The following CHAF1A variants were observed in gnomAD, a reference collection of about 807,000 sequenced individuals.
The protein encoded by CHAF1A is chromatin assembly factor 1 subunit A.
CHAF1A carries 5 observed loss-of-function variants against 93.2 expected under a neutral mutation model. The observed-to-expected ratio is 0.05, with a 90% CI of 0.03 to 0.11. The LOEUF (loss-of-function observed/expected upper bound fraction) is 0.11. CHAF1A is among the 10% of genes least tolerant of loss of function. CHAF1A has a pLI of 1.00. For synonymous variants in CHAF1A, 504 were observed against 510.3 expected, an observed-to-expected ratio of 0.99 and a Z score of 0.17; for missense variants, 1,102 against 1,259.9, an observed-to-expected ratio of 0.87 and a Z score of 1.90.
Position 4,433,332 on chromosome 19 carries a change from G to A in CHAF1A, c.2466G>A (p.Pro822=), listed in dbSNP as rs368347266. ...TCAGGATGTGCTGGTACGTGCACCCGCAGGTGCTACAGAGCTTCCAGCAGG... is the reference window on the plus strand; with the variant it reads ...TCAGGATGTGCTGGTACGTGCACCCACAGGTGCTACAGAGCTTCCAGCAGG... ...PDFRMCWYVH[P]QVLQSFQQEH... is the part of the protein sequence containing the mutation. The change falls in exon 13 of 15, where the codon CCG becomes CCA. Residue 822 remains proline (P), a synonymous_variant. Coordinates refer to ENST00000301280, the MANE Select transcript of CHAF1A (RefSeq NM_005483.3). The surrounding 1 kb of genome is among the most constrained non-coding windows in gnomAD (Gnocchi z 5.6). 2.9e-5 allele frequency: 47 copies of A among 1,613,986 alleles called. No individual in the cohort carries two copies. In the East Asian group the frequency reaches 3.1e-4, roughly 11 times the overall value.
chr19:4,446,264 G>C, downstream of CHAF1A: 1 of 1,567,898 alleles, frequency 6.4e-7, no homozygotes, highest in Non-Finnish European at 8.6e-7. Context: ...CGCCCTCCAC[G>C]GGCATCGTTG....
chr19:4,441,375 T>A (rs546132973), intron 13 of CHAF1A, among the ~76,000 whole-genome samples: 1 of 151,788 alleles, frequency 6.6e-6, no homozygotes, highest in African/African-American at 2.4e-5. Context: ...TTTGGGAGGC[T>A]GAGGTGGGTA....
At chr19:4,436,830 G>A (rs1159880882) in intron 13 of CHAF1A, among the ~76,000 whole-genome samples, 2 of 152,104 alleles carry the variant, frequency 1.3e-5, no homozygotes, top group Non-Finnish European at 2.9e-5. Flanking sequence ...CTTGCTCCCT[G>A]TCAACATGTG....
chr19:4,441,181 G>A (rs1313325783), intron 13 of CHAF1A, among the ~76,000 whole-genome samples: 12 of 151,900 alleles, frequency 7.9e-5, no homozygotes, highest in Middle Eastern at 3.2e-3. Context: ...GCCGGGTGTG[G>A]TGGCAGGTGG....
chr19:4,402,733 C>T lies in CHAF1A; in HGVS notation c.-30C>T, dbSNP rs1973605210. 3 of 1,197,244 alleles carry T rather than the reference C, an allele frequency of 2.5e-6. No homozygotes were observed. Among genetic ancestry groups the T allele is most frequent in the Non-Finnish European group, 3.1e-6 (3 of 964,938 alleles). The allele number at this position is 1,197,244 out of a possible 1,614,324, so 74.2% of individuals were successfully genotyped here. On this transcript the variant is annotated 5_prime_UTR_variant, in exon 1 of 15. Transcript: ENST00000301280. ...TGAGGGGAGCCCGCGCCTCCGCCGC[C>T]TGAGAGGAGGTCGAGCTGCCGCCGG...
rs758249484 is a variant in CHAF1A at position 4,442,385 on chromosome 19, G to A, written c.2770+44G>A. The A allele has an allele frequency of 7.5e-6, 11 of 1,467,444 alleles. No individual in the cohort carries two copies. In the South Asian group the frequency reaches 9.7e-5, roughly 13 times the overall value. 90.9% of individuals were successfully genotyped at this position (1,467,444 alleles called of 1,614,324 possible). A position where few individuals can be genotyped will look rare whatever the true frequency, so the allele number is the denominator to read the frequency against. The stretch of plus-strand genomic sequence containing the variant: ...AGCAGAACGCACTGGTGAGGTGGGC[G>A]CTGGAGGTAAACCTCAACAGAGAAG... On this transcript the variant is annotated intron_variant, in intron 14 of 14. Transcript: ENST00000301280.
chr19:4,441,345 G>A (rs1427611736), intron 13 of CHAF1A, among the ~76,000 whole-genome samples: 3 of 151,604 alleles, frequency 2.0e-5, no homozygotes, highest in Non-Finnish European at 4.4e-5. Context: ...TAAAAATACA[G>A]TTGTCTGTAA....
At chr19:4,436,232 A>G (rs949371021) in intron 13 of CHAF1A, among the ~76,000 whole-genome samples, 1 of 152,146 alleles carries the variant, frequency 6.6e-6, no homozygotes, top group Non-Finnish European at 1.5e-5. Context: ...CCCTGCTGCC[A>G]GCACACAGCC....
At chr19:4,420,023 A>G (rs1009895074) in intron 4 of CHAF1A, among the ~76,000 whole-genome samples, 12 of 152,308 alleles carry the variant, frequency 7.9e-5, no homozygotes, top group African/African-American at 2.9e-4. Context: ...CAGGAAATGC[A>G]CATCAGACAT....
rs1568439033 is a variant in CHAF1A, at chr19:4,430,537, T to C, written c.1855-12T>C. The C allele has an allele frequency of 3.3e-6, 5 of 1,536,628 alleles. No individual in the cohort carries two copies. The highest frequency in any genetic ancestry group is 1.7e-4 in the Middle Eastern group (1 of 5,916). Reference sequence around the variant, plus strand: ...TCTATCTGATGAACTCTTTTTTTTTTCTCCTTTTGAGGATGATGATGACGA... The same window carrying C: ...TCTATCTGATGAACTCTTTTTTTTTCCTCCTTTTGAGGATGATGATGACGA... On this transcript the variant is annotated splice_polypyrimidine_tract_variant and intron_variant, in intron 10 of 14. Coordinates refer to ENST00000301280, the MANE Select transcript of CHAF1A (RefSeq NM_005483.3).
In CHAF1A at chr19:4,409,812, G is replaced by A. The variant is rs548141310; in HGVS notation, c.960+53G>A. On this transcript the variant is annotated intron_variant, in intron 3 of 14. Transcript: ENST00000301280. ...CATCAGTGCTCACGGATCTCAGAGCGCTGTCAGTCTCCACTGGGTCACCCA... is the reference window on the plus strand; with the variant it reads ...CATCAGTGCTCACGGATCTCAGAGCACTGTCAGTCTCCACTGGGTCACCCA... 1.1e-4 allele frequency: 163 copies of A among 1,540,200 alleles called. No homozygotes were observed. The African/African-American group carries it at 1.8e-3, about 17-fold the overall frequency.
intron 4 of CHAF1A, among the ~76,000 whole-genome samples, chr19:4,420,200 C>T (rs1188412091): frequency 6.6e-6 from 1 of 151,984 alleles, no homozygotes; most frequent in Admixed American, 6.6e-5. Context: ...AGGTGGTCCT[C>T]ATGCAGTGTT....
At chr19:4,447,632 T>C, downstream of CHAF1A, 1 of 1,613,660 alleles carries the variant, frequency 6.2e-7, no homozygotes. Flanking sequence ...GTACCTGGGG[T>C]AGGTGGAGAA....
intron 13 of CHAF1A, among the ~76,000 whole-genome samples, chr19:4,437,328 G>T (rs1599663085): frequency 6.6e-6 from 1 of 152,222 alleles, no homozygotes; most frequent in African/African-American, 2.4e-5. Context: ...AAGCACATGA[G>T]CCCGGATGGG....
In CHAF1A at chr19:4,409,274, G is replaced by A; in HGVS notation, c.475G>A (p.Gly159Arg). The change falls in exon 3 of 15, where the codon GGG becomes AGG. Residue 159 changes from glycine (G) to arginine (R), a missense_variant. Around this residue, in one of 6 missense-constraint regions of CHAF1A, gnomAD observed 379 missense variants for 365.7 expected, o/e 1.04. Coordinates refer to ENST00000301280, the MANE Select transcript of CHAF1A (RefSeq NM_005483.3). ...GQREDTGDQQ[G>R]LLKAIQNDKL... Reference sequence around the variant, plus strand: ...GCGAGAAGACACTGGGGATCAGCAGGGGTTGTTGAAGGCCATTCAGAACGA... The same window carrying A: ...GCGAGAAGACACTGGGGATCAGCAGAGGTTGTTGAAGGCCATTCAGAACGA... 6.2e-7 allele frequency: 1 copy of A among 1,614,142 alleles called. No homozygotes were observed. Among genetic ancestry groups the A allele is most frequent in the Non-Finnish European group, 8.5e-7 (1 of 1,180,016 alleles).
In CHAF1A at chr19:4,409,607, G is replaced by A. The variant is rs369878343; in HGVS notation, c.808G>A (p.Glu270Lys). Residue 270 changes from glutamate to lysine, a missense_variant, in exon 3 of 15, where the codon GAG becomes AAG. Coordinates refer to ENST00000301280, the MANE Select transcript of CHAF1A (RefSeq NM_005483.3). The stretch of plus-strand genomic sequence containing the variant: ...AGGCAAGAACATGACCCCTGAGAGT[G>A]AGGTGCTGGAATCTTTCCCCGAAGA... ...PQGKNMTPES[E>K]VLESFPEEDS... 60 of 1,614,118 alleles carry A rather than the reference G, an allele frequency of 3.7e-5. No individual in the cohort carries two copies. In the South Asian group the frequency reaches 5.9e-4, roughly 16 times the overall value.
At chr19:4,445,604 G>A (rs1974492846), downstream of CHAF1A, 1 of 1,613,498 alleles carries the variant, frequency 6.2e-7, no homozygotes, top group East Asian at 2.2e-5. Flanking sequence ...CCACGAGAAG[G>A]TCAGGAGGGC....
intron 7 of CHAF1A, among the ~76,000 whole-genome samples, chr19:4,424,160 C>G (rs531218459): frequency 6.6e-6 from 1 of 152,200 alleles, no homozygotes; most frequent in Non-Finnish European, 1.5e-5. Flanking sequence ...ATGTTTTTAC[C>G]CTTGGGAAAC....
At chr19:4,445,978 G>T (rs1199028408), downstream of CHAF1A, 2 of 1,526,902 alleles carry the variant, frequency 1.3e-6, no homozygotes, top group Non-Finnish European at 1.8e-6. Context: ...CCTCCTGGGG[G>T]TGTCTGTGCC....
Sources: allele counts gnomAD v4.1 joint callset (sites outside exome capture counted in the v4.1 genomes callset), GRCh38; gene constraint gnomAD v4.1.1; regional missense constraint gnomAD v4.1.1; non-coding constraint Gnocchi (gnomAD v3.1); transcripts MANE v1.5; gene names NCBI Gene and HGNC (gene_info 2026-07-23, HGNC 2026-07-21).